Variants in MYO16 observed in about 807,000 individuals in gnomAD.
MYO16 encodes the protein myosin XVI, also known as unconventional myosin-XVI.
MYO16 carries 94 observed loss-of-function variants against 205.3 expected under a neutral mutation model. That is an observed-to-expected ratio of 0.46 (90% confidence interval 0.39 to 0.54). The LOEUF (loss-of-function observed/expected upper bound fraction) is 0.54. MYO16 is among the 20% of genes least tolerant of loss of function. The probability of loss-of-function intolerance (pLI) is 0.00; values close to 1 mark genes in which losing one functional copy is unlikely to be tolerated. For synonymous variants in MYO16, 988 were observed against 954.0 expected (o/e 1.04, Z -0.66); for missense variants, 2,315 against 2,387.5 (o/e 0.97, Z 0.63).
At chr13:108,519,385 T>A in the MYO16 span, among the ~76,000 whole-genome samples, 1 of 152,152 alleles carries the variant, frequency 6.6e-6, no homozygotes, top group Non-Finnish European at 1.5e-5. Context: ...CTCTCTTTCT[T>A]TGTACTCCCA....
At chr13:108,614,879 G>C (rs1879297439) in intron 1 of MYO16, among the ~76,000 whole-genome samples, 2 of 81,520 alleles carry the variant, frequency 2.5e-5, no homozygotes, top group South Asian at 8.2e-4. Context: ...AAACACAGGA[G>C]TAAATTTTTG....
intron 10 of MYO16, among the ~76,000 whole-genome samples, chr13:108,850,804 C>T (rs1877823086): frequency 6.6e-6 from 1 of 152,192 alleles, no homozygotes; most frequent in African/African-American, 2.4e-5. Flanking sequence ...TCTGCTCTCA[C>T]ACTGGCTCTG....
intron 4 of MYO16, among the ~76,000 whole-genome samples, chr13:108,778,109 C>G (rs1330764319): frequency 6.6e-6 from 1 of 152,174 alleles, no homozygotes; most frequent in Non-Finnish European, 1.5e-5. Context: ...TTACTTTCCC[C>G]AGACGATACT....
the MYO16 span, among the ~76,000 whole-genome samples, chr13:108,567,115 C>T: frequency 3.3e-5 from 5 of 151,930 alleles, no homozygotes; most frequent in Non-Finnish European, 4.4e-5. Context: ...AATTTGTTTG[C>T]CATATAAGTT....
intron 20 of MYO16, 96 bp downstream of exon 20, chr13:108,964,998 A>T: frequency 7.9e-7 from 1 of 1,264,166 alleles, no homozygotes; most frequent in Non-Finnish European, 1.1e-6. Flanking sequence ...AGGGTAACCA[A>T]TAAGTTAAAC....
At chr13:108,885,787 G>A (rs1413965221) in intron 13 of MYO16, among the ~76,000 whole-genome samples, 1 of 152,118 alleles carries the variant, frequency 6.6e-6, no homozygotes, top group Non-Finnish European at 1.5e-5. Context: ...TGGGTCCTGA[G>A]CAAGGCTCTA....
intron 1 of MYO16, among the ~76,000 whole-genome samples, chr13:108,650,252 A>C (rs1880940794): frequency 6.6e-6 from 1 of 152,206 alleles, no homozygotes; most frequent in Non-Finnish European, 1.5e-5. Flanking sequence ...TTAAAAACAA[A>C]GAAATTTAAG....
At chr13:108,579,837 G>A in the MYO16 span, among the ~76,000 whole-genome samples, 10,152 of 152,116 alleles carry the variant, frequency 0.067, 397 homozygotes, top group Admixed American at 0.12. Flanking sequence ...CCTATTGTTT[G>A]GGCATTTTAA....
chr13:108,733,652 A>G (rs1359750730), intron 4 of MYO16, among the ~76,000 whole-genome samples: 1 of 152,218 alleles, frequency 6.6e-6, no homozygotes, highest in African/African-American at 2.4e-5. Context: ...AAATTGGGGA[A>G]GAATATTAAG....
rs531016941 is a variant in MYO16 at position 108,843,714 on chromosome 13, CATT to C, written c.1098-626_1098-624del. ...TTATTTTCTATTTATTTTTAATGAACATTATAAAAATAATGGCTGTATTTTGGG... is the reference window on the plus strand; with the variant it reads ...TTATTTTCTATTTATTTTTAATGAACATAAAAATAATGGCTGTATTTTGGG... On this transcript the variant is annotated intron_variant, in intron 9 of 34. Coordinates refer to ENST00000457511, the MANE Select transcript of MYO16 (RefSeq NM_001198950.3). Among the ~76,000 whole-genome samples the C allele has an allele frequency of 6.5e-3, 995 of 152,022 alleles. 11 individuals carry two copies. Among genetic ancestry groups the C allele is most frequent in the African/African-American group, 0.022 (915 of 41,478 alleles).
chr13:109,137,547 T>A (rs1307729455), intron 31 of MYO16, among the ~76,000 whole-genome samples: 1 of 152,246 alleles, frequency 6.6e-6, no homozygotes, highest in East Asian at 1.9e-4. Flanking sequence ...GGAATAATGC[T>A]TATTAATTAG....
chr13:108,578,684 C>A, the MYO16 span, among the ~76,000 whole-genome samples: 1 of 152,184 alleles, frequency 6.6e-6, no homozygotes, highest in Non-Finnish European at 1.5e-5. Context: ...GGTGCCCATA[C>A]ATTTCTCGTG....
the MYO16 span, among the ~76,000 whole-genome samples, chr13:108,528,984 A>G: frequency 6.6e-6 from 1 of 151,828 alleles, no homozygotes; most frequent in Non-Finnish European, 1.5e-5. Context: ...AGAAAACTGC[A>G]TACTCCTTTT....
At position 108,605,785 on chromosome 13, in the gene MYO16, C is replaced by T. The variant is rs146009757; in HGVS notation, c.-39+9546C>T. On this transcript the variant is annotated intron_variant, in intron 1 of 24. Transcript: ENST00000251041. ...GTAAATTGGTACCAGGGTAGTGGGG[C>T]GCTGCTATAAAGTTACCTGAAAATG... Among the ~76,000 whole-genome samples the T allele has an allele frequency of 6.1e-3, 927 of 152,118 alleles. 13 individuals carry two copies. The highest frequency in any genetic ancestry group is 0.021 in the African/African-American group (881 of 41,480).
intron 23 of MYO16, among the ~76,000 whole-genome samples, chr13:109,041,180 C>T (rs1886872929): frequency 6.6e-6 from 1 of 152,016 alleles, no homozygotes; most frequent in South Asian, 2.1e-4. Flanking sequence ...GCGAAAACCA[C>T]AAAATTCTGA....
intron 16 of MYO16, among the ~76,000 whole-genome samples, chr13:108,922,602 C>T (rs776969861): frequency 2.0e-5 from 3 of 152,158 alleles, no homozygotes; most frequent in Non-Finnish European, 2.9e-5. Context: ...TTGGAATGTG[C>T]GATTTGCTGT....
chr13:108,680,214 T>G (rs1417209815), intron 2 of MYO16, among the ~76,000 whole-genome samples: 1 of 152,238 alleles, frequency 6.6e-6, no homozygotes, highest in East Asian at 1.9e-4. Context: ...GAGCAGGCTC[T>G]GGCTCTCATC....
At chr13:108,745,506 A>G (rs1325359016) in intron 4 of MYO16, among the ~76,000 whole-genome samples, 1 of 152,158 alleles carries the variant, frequency 6.6e-6, no homozygotes, top group Non-Finnish European at 1.5e-5. Flanking sequence ...AAACAAAGAA[A>G]TATTGGAAGA....
chr13:108,636,204 T>G (rs2139366532), intron 1 of MYO16, among the ~76,000 whole-genome samples: 1 of 152,318 alleles, frequency 6.6e-6, no homozygotes, highest in East Asian at 1.9e-4. Flanking sequence ...ATTCATTATC[T>G]TAGCTTTTGA....
Sources: gnomAD v4.1 joint callset for allele counts (sites outside exome capture counted in the v4.1 genomes callset) on GRCh38, gnomAD v4.1.1 for gene constraint, MANE v1.5 for transcripts, NCBI Gene and HGNC (gene_info 2026-07-23, HGNC 2026-07-21) for gene names.